NUP107: variants seen among roughly 807,000 people sequenced by gnomAD.
NUP107 encodes the protein nuclear pore complex protein Nup107.
NUP107 carries 101 observed loss-of-function variants against 141.0 expected under a neutral mutation model. The observed-to-expected ratio is 0.72, with a 90% CI of 0.61 to 0.84. The LOEUF (loss-of-function observed/expected upper bound fraction) is 0.84, where lower values mean the gene tolerates loss of function less well. Ranked by LOEUF, NUP107 falls within the 40% of genes least tolerant of loss-of-function variation. NUP107 has a pLI of 0.00. For missense variants in NUP107, 941 were observed against 1,102.7 expected (o/e 0.85, Z 2.08); for synonymous variants, 319 against 363.9 (o/e 0.88, Z 1.41).
chr12:68,733,531 C>T lies in NUP107; in HGVS notation c.2181C>T (p.Cys727=), dbSNP rs768861827. ...CTATAGCAGAAATCTATAATCAGTG[C>T]GAGGAACAAGGAATGGAAAGTCCAC... The part of the protein sequence containing the change: ...QDSIAEIYNQ[C]EEQGMESPLP... Residue 727 remains cysteine, a synonymous_variant, in exon 24 of 28, where the codon TGC becomes TGT. Coordinates refer to ENST00000229179, the MANE Select transcript of NUP107 (RefSeq NM_020401.4). 48 of 1,613,260 alleles carry T rather than the reference C, an allele frequency of 3.0e-5. No homozygotes were observed. The highest frequency in any genetic ancestry group is 3.5e-5 in the Non-Finnish European group (41 of 1,179,548).
At chr12:68,720,516 T>C (rs1216789016) in intron 14 of NUP107, among the ~76,000 whole-genome samples, 1 of 152,058 alleles carries the variant, frequency 6.6e-6, no homozygotes, top group African/African-American at 2.4e-5. Context: ...ATAGTATTGA[T>C]GATAATGGAA....
chr12:68,721,107 TTG>T lies in NUP107; in HGVS notation c.1252-7_1252-6del. On this transcript the variant is annotated splice_polypyrimidine_tract_variant and intron_variant, in intron 14 of 27. Coordinates refer to ENST00000229179, the MANE Select transcript of NUP107 (RefSeq NM_020401.4). ...AATATTTCAAATTTGTTTATATTCA[TTG>T]TGTTTTAGGAGCTTTTTAATAGATA... 1.3e-6 allele frequency: 2 copies of T among 1,554,570 alleles called. No individual in the cohort carries two copies. Among genetic ancestry groups the T allele is most frequent in the Non-Finnish European group, 8.8e-7 (1 of 1,134,814 alleles).
rs781349872 is a variant in NUP107 at position 68,702,750 on chromosome 12, C to T, written c.695C>T (p.Ser232Phe). ...TTTTTCCCCAGAGACAGAATACAGT[C>T]TGCATTAGAAGAGGAAAGTGTATTC... ...LASLYRDRIQ[S>F]ALEEESVFAV... Residue 232 changes from serine (S) to phenylalanine (F), a missense_variant, in exon 8 of 28, where the codon TCT (serine) becomes TTT (phenylalanine). Physicochemically the swap from Ser to Phe is radical, Grantham distance 155 (BLOSUM62 -2). Transcript: ENST00000229179. The T allele has an allele frequency of 6.5e-7, 1 of 1,546,202 alleles. No individual in the cohort carries two copies. Among genetic ancestry groups the T allele is most frequent in the Non-Finnish European group, 8.7e-7 (1 of 1,144,684 alleles).
intron 12 of NUP107, among the ~76,000 whole-genome samples, chr12:68,716,932 C>G (rs1444298272): frequency 6.6e-6 from 1 of 151,784 alleles, no homozygotes; most frequent in Admixed American, 6.6e-5. Flanking sequence ...GAGTCTCGCT[C>G]TGTCACCCAG....
chr12:68,706,047 C>T, intron 8 of NUP107: 1 of 816,634 alleles, frequency 1.2e-6, no homozygotes, highest in Non-Finnish European at 2.2e-6. Context: ...ACATGGACAA[C>T]ATGTTCGAGA....
At position 68,732,735 on chromosome 12, in the gene NUP107, C is replaced by A. The variant is rs764792538; in HGVS notation, c.2097C>A (p.Phe699Leu). 6.3e-7 allele frequency: 1 copy of A among 1,595,878 alleles called. No individual in the cohort carries two copies. Among genetic ancestry groups the A allele is most frequent in the South Asian group, 1.1e-5 (1 of 89,948 alleles). The change falls in exon 23 of 28, where the codon TTC (phenylalanine) becomes TTA (leucine). Residue 699 changes from phenylalanine to leucine, a missense_variant. Phe to Leu is a conservative substitution (Grantham distance 22, BLOSUM62 0). Coordinates refer to ENST00000229179, the MANE Select transcript of NUP107 (RefSeq NM_020401.4). Reference sequence around the variant, plus strand: ...AAGGCAATGCAATTATGAGAAAATTCTTGGGTATAGTATATTTTTATGCAG... The same window carrying A: ...AAGGCAATGCAATTATGAGAAAATTATTGGGTATAGTATATTTTTATGCAG... ...LKQGNAIMRK[F>L]LASKKHEAAK...
chr12:68,734,547 A>G (rs1218732543), intron 24 of NUP107, among the ~76,000 whole-genome samples, 161 bp from the exon 25 acceptor site: 1 of 152,208 alleles, frequency 6.6e-6, no homozygotes, highest in African/African-American at 2.4e-5. Context: ...ACATTTATTC[A>G]TGATATGAAT....
chr12:68,700,238 G>A (rs546647518), intron 6 of NUP107, among the ~76,000 whole-genome samples: 1 of 152,156 alleles, frequency 6.6e-6, no homozygotes, highest in African/African-American at 2.4e-5. Flanking sequence ...TTTGGAATGA[G>A]GAAGGACTTT....
At chr12:68,724,650 T>C (rs1877485712) in intron 17 of NUP107, among the ~76,000 whole-genome samples, 1 of 152,022 alleles carries the variant, frequency 6.6e-6, no homozygotes, top group South Asian at 2.1e-4. Context: ...TGTGGTGGCA[T>C]GCTCCTGTAG....
intron 9 of NUP107, 100 bp downstream of exon 9, chr12:68,709,409 A>AT (rs975534684): frequency 2.8e-5 from 18 of 643,752 alleles, no homozygotes; most frequent in South Asian, 4.7e-5. Flanking sequence ...TGTTTTCTGA[A>AT]TTTTTTTTCT....
chr12:68,735,556 C>G (rs1592523486), intron 26 of NUP107, among the ~76,000 whole-genome samples: 1 of 152,152 alleles, frequency 6.6e-6, no homozygotes, highest in Admixed American at 6.5e-5. Context: ...ACTATGTTCA[C>G]AGAGGATACA....
intron 20 of NUP107, 119 bp downstream of exon 20, chr12:68,727,508 T>C (rs753210974): frequency 2.6e-5 from 15 of 586,938 alleles, no homozygotes; most frequent in African/African-American, 1.1e-4. Flanking sequence ...AAGAGATCTT[T>C]TAATTATCAG....
At position 68,745,250 on chromosome 12, in the gene NUP107, T is replaced by C. The variant is rs1228862065; in HGVS notation, c.*2788T>C. On this transcript the variant is annotated 3_prime_UTR_variant, in exon 28 of 28. Transcript: ENST00000229179. Reference sequence around the variant, plus strand: ...ATTTTAAATTTTTTGTACCACAGTCTCTCTTTTTAATTTTATGACTGCTGA... The same window carrying C: ...ATTTTAAATTTTTTGTACCACAGTCCCTCTTTTTAATTTTATGACTGCTGA... The C allele has an allele frequency of 6.6e-6, 1 of 152,236 alleles. No individual in the cohort carries two copies. The highest frequency in any genetic ancestry group is 2.4e-5 in the African/African-American group (1 of 41,458). The allele number at this position is 152,236 out of a possible 1,614,324, so 9.4% of individuals were successfully genotyped here. A position where few individuals can be genotyped will look rare whatever the true frequency, so the allele number is the denominator to read the frequency against.
At chr12:68,690,896 A>G (rs1270086763) in intron 4 of NUP107, 150 bp downstream of exon 4, 1 of 691,248 alleles carries the variant, frequency 1.4e-6, no homozygotes, top group South Asian at 2.1e-5. Flanking sequence ...CCTGCTTAGC[A>G]TGATAAAACC....
At chr12:68,705,834 G>C (rs775856970) in intron 8 of NUP107, 2 of 772,066 alleles carry the variant, frequency 2.6e-6, no homozygotes, top group Admixed American at 1.7e-5. Context: ...CCCCAGTCAC[G>C]GTCAACCAGA....
chr12:68,734,581 T>C, intron 24 of NUP107, 127 bp from the exon 25 acceptor site: 4 of 694,180 alleles, frequency 5.8e-6, no homozygotes, highest in Non-Finnish European at 4.7e-6. Context: ...AAAATATATA[T>C]TGAACAGTTT....
At chr12:68,715,029 G>A (rs142408996) in intron 11 of NUP107, among the ~76,000 whole-genome samples, 32 of 152,324 alleles carry the variant, frequency 2.1e-4, no homozygotes, top group African/African-American at 6.7e-4. Context: ...TCATCTTCTA[G>A]TGTTACCTGG....
chr12:68,731,779 C>G (rs1211425933), intron 22 of NUP107, 60 bp downstream of exon 22: 3 of 914,724 alleles, frequency 3.3e-6, no homozygotes, highest in Non-Finnish European at 5.0e-6. Context: ...TATGTTATTC[C>G]TTGGTGAACT....
In NUP107 at chr12:68,710,204, A is replaced by G. The variant is rs1876784129; in HGVS notation, c.890+111A>G. On this transcript the variant is annotated intron_variant, in intron 10 of 27. Transcript: ENST00000229179. ...TTGTTCACACTACTTTGTTCACACT[A>G]CTTTGTTTGGTGTGTGAGCAAAACA... The G allele has an allele frequency of 1.8e-4, 103 of 587,068 alleles. No homozygotes were observed. In the South Asian group the frequency reaches 1.9e-3, roughly 11 times the overall value. The allele number at this position is 587,068 out of a possible 1,614,324, so 36.4% of individuals were successfully genotyped here.
Sources: allele counts gnomAD v4.1 joint callset (sites outside exome capture counted in the v4.1 genomes callset), GRCh38; gene constraint gnomAD v4.1.1; transcripts MANE v1.5; gene names NCBI Gene and HGNC (gene_info 2026-07-23, HGNC 2026-07-21).